KCNB2: variants seen among roughly 807,000 people sequenced by gnomAD.
KCNB2 encodes the protein potassium voltage-gated channel subfamily B member 2, also known as delayed rectifier potassium channel protein.
Under a neutral mutation model 61.5 loss-of-function variants are expected in KCNB2, and 15 were observed. That is an observed-to-expected ratio of 0.24 (90% CI 0.16 to 0.38). The LOEUF (loss-of-function observed/expected upper bound fraction) is 0.38, where lower values mean the gene tolerates loss of function less well. Among genes scored for constraint, KCNB2 ranks in the 10% least tolerant of loss-of-function variants. The pLI is 1.00. For missense variants in KCNB2, 828 were observed against 1,125.2 expected (o/e 0.74, Z 3.78); for synonymous variants, 457 against 446.0 (o/e 1.02, Z -0.31).
At chr8:72,905,684 A>G (rs1010177145) in intron 2 of KCNB2, among the ~76,000 whole-genome samples, 1 of 152,142 alleles carries the variant, frequency 6.6e-6, no homozygotes, top group Non-Finnish European at 1.5e-5. Context: ...GAGCACTTCA[A>G]CTGCTGTGGG....
intron 2 of KCNB2, among the ~76,000 whole-genome samples, chr8:72,920,488 T>TATATATA (rs57048446): frequency 2.0e-4 from 28 of 137,206 alleles, no homozygotes; most frequent in South Asian, 9.4e-4. Flanking sequence ...TATATATATA[T>TATATATA]TAGCTGGCCA....
chr8:72,561,703 A>G (rs1445569884), intron 1 of KCNB2, among the ~76,000 whole-genome samples: 1 of 20,530 alleles, frequency 4.9e-5, no homozygotes, highest in South Asian at 1.2e-3. Flanking sequence ...ATATATATAT[A>G]TATATATATA....
chr8:72,793,603 C>A (rs146167720), intron 2 of KCNB2, among the ~76,000 whole-genome samples: 4 of 152,086 alleles, frequency 2.6e-5, no homozygotes, highest in African/African-American at 9.7e-5. Flanking sequence ...AATACCAAAG[C>A]CTAGGCCCAC....
intron 2 of KCNB2, among the ~76,000 whole-genome samples, chr8:72,849,366 G>A (rs1810053427): frequency 6.6e-6 from 1 of 151,888 alleles, no homozygotes; most frequent in Non-Finnish European, 1.5e-5. Context: ...CCTCCTTCTA[G>A]CTATTTGAAA....
Position 72,845,807 on chromosome 8 carries a change from C to G in KCNB2, c.580-90128C>G, listed in dbSNP as rs549202825. 1.4e-3 allele frequency among the ~76,000 whole-genome samples: 212 copies of G among 152,316 alleles called. 1 individual carries two copies. Among genetic ancestry groups the G allele is most frequent in the Non-Finnish European group, 2.4e-3 (166 of 68,030 alleles). On this transcript the variant is annotated intron_variant, in intron 2 of 2. Transcript: ENST00000523207. ...CCTCCCCCCCATCAAACTCCAGCAT[C>G]CCAGGTAGACTTCAGACTGCTGTGC...
At chr8:72,795,587 C>G (rs189426416) in intron 2 of KCNB2, among the ~76,000 whole-genome samples, 7 of 152,290 alleles carry the variant, frequency 4.6e-5, no homozygotes, top group African/African-American at 1.7e-4. Context: ...TTACAGTTAC[C>G]TTGAGCTTAG....
chr8:72,548,507 G>A (rs1806295791), intron 1 of KCNB2, among the ~76,000 whole-genome samples: 1 of 152,132 alleles, frequency 6.6e-6, no homozygotes, highest in African/African-American at 2.4e-5. Flanking sequence ...CACCTTCTGG[G>A]AGGTTCTTCA....
At chr8:72,831,178 G>A (rs1374581965) in intron 2 of KCNB2, among the ~76,000 whole-genome samples, 1 of 152,184 alleles carries the variant, frequency 6.6e-6, no homozygotes. Context: ...CCCCAGGATG[G>A]TCTTGCACTT....
intron 2 of KCNB2, among the ~76,000 whole-genome samples, chr8:72,568,870 G>T (rs1464035339): frequency 6.6e-6 from 1 of 151,776 alleles, no homozygotes; most frequent in Admixed American, 6.6e-5. Flanking sequence ...ATGCATCCAC[G>T]TACCTCCCCT....
intron 2 of KCNB2, among the ~76,000 whole-genome samples, chr8:72,744,449 C>A (rs1808022756): frequency 6.6e-6 from 1 of 152,170 alleles, no homozygotes; most frequent in East Asian, 1.9e-4. Context: ...AAGCCCATGT[C>A]ATCACAGTGC....
chr8:72,909,518 G>A (rs1375590372), intron 2 of KCNB2, among the ~76,000 whole-genome samples: 1 of 152,080 alleles, frequency 6.6e-6, no homozygotes, highest in Non-Finnish European at 1.5e-5. Flanking sequence ...CGTCAGGAGT[G>A]CAAGCTTTAT....
intron 2 of KCNB2, among the ~76,000 whole-genome samples, chr8:72,720,695 C>T (rs1313439707): frequency 6.6e-6 from 1 of 152,120 alleles, no homozygotes; most frequent in African/African-American, 2.4e-5. Context: ...ACATAGTAGA[C>T]ACTTGATAAA....
At chr8:72,898,855 T>C (rs768636477) in intron 2 of KCNB2, among the ~76,000 whole-genome samples, 28 of 152,122 alleles carry the variant, frequency 1.8e-4, no homozygotes, top group Non-Finnish European at 2.9e-4. Flanking sequence ...ATGTCCATGG[T>C]ACCCAATGTT....
At chr8:72,686,000 A>G (rs1245297345) in intron 2 of KCNB2, among the ~76,000 whole-genome samples, 1 of 152,180 alleles carries the variant, frequency 6.6e-6, no homozygotes, top group Non-Finnish European at 1.5e-5. Context: ...AAAAAAGAAA[A>G]AAGAAGGTCC....
chr8:72,642,517 C>T (rs930966876), intron 2 of KCNB2, among the ~76,000 whole-genome samples: 1 of 152,042 alleles, frequency 6.6e-6, no homozygotes, highest in Non-Finnish European at 1.5e-5. Flanking sequence ...GAAAGGGACA[C>T]AGTACCTTAC....
intron 2 of KCNB2, chr8:72,619,446 G>A (rs914311849): frequency 3.3e-6 from 1 of 305,298 alleles, no homozygotes; most frequent in African/African-American, 2.2e-5. Flanking sequence ...CTAAAAGGTG[G>A]TGTAAAATCT....
At chr8:72,608,021 G>A (rs1167666161) in intron 2 of KCNB2, among the ~76,000 whole-genome samples, 2 of 152,164 alleles carry the variant, frequency 1.3e-5, no homozygotes, top group Non-Finnish European at 2.9e-5. Context: ...AGCAGATAAT[G>A]TCCTGCCTAA....
At chr8:72,923,646 G>A (rs1215780007) in intron 2 of KCNB2, among the ~76,000 whole-genome samples, 1 of 152,068 alleles carries the variant, frequency 6.6e-6, no homozygotes, top group East Asian at 1.9e-4. Flanking sequence ...TGGTTGGGGG[G>A]CTTAGAATTT....
intron 2 of KCNB2, among the ~76,000 whole-genome samples, chr8:72,844,625 C>A (rs750419030): frequency 6.6e-6 from 1 of 152,150 alleles, no homozygotes. Context: ...TTCTTGGAGG[C>A]TTTGTTCATT....
Sources: allele counts gnomAD v4.1 joint callset (sites outside exome capture counted in the v4.1 genomes callset), GRCh38; gene constraint gnomAD v4.1.1; transcripts MANE v1.5; gene names NCBI Gene and HGNC (gene_info 2026-07-23, HGNC 2026-07-21).